PDPK1: variants seen among roughly 807,000 people sequenced by gnomAD.
PDPK1 encodes the protein 3-phosphoinositide dependent protein kinase 1.
PDPK1 carries 7 observed loss-of-function variants against 39.8 expected under a neutral mutation model. That is an observed-to-expected ratio of 0.18 (90% CI 0.10 to 0.33). The LOEUF (loss-of-function observed/expected upper bound fraction) is 0.33, where lower values mean the gene tolerates loss of function less well. PDPK1 is among the 10% of genes least tolerant of loss of function. The pLI, the probability that PDPK1 is intolerant of heterozygous loss-of-function variation, is 1.00. For synonymous variants in PDPK1, 118 were observed against 159.1 expected (o/e 0.74, Z 1.95); for missense variants, 182 against 384.7 (o/e 0.47, Z 4.41).
Position 2,597,630 on chromosome 16 carries a change from A to C in PDPK1, c.1555-21A>C. The stretch of plus-strand genomic sequence containing the variant: ...TTGGTGGGACTCCCTGGAGAACACT[A>C]AACGGCTTCTGTCTTCGCAGCCTAA... On this transcript the variant is annotated intron_variant, in intron 13 of 13. Transcript: ENST00000342085. The surrounding 1 kb of genome is among the most constrained non-coding windows in gnomAD (Gnocchi z 6.3). The C allele has an allele frequency of 6.4e-7, 1 of 1,564,204 alleles. No homozygotes were observed. The highest frequency in any genetic ancestry group is 8.8e-7 in the Non-Finnish European group (1 of 1,134,658).
chr16:2,586,357 G>C (rs1211683578), intron 10 of PDPK1, among the ~76,000 whole-genome samples: 2 of 152,192 alleles, frequency 1.3e-5, no homozygotes, highest in African/African-American at 2.4e-5. Flanking sequence ...CCCCACCTCC[G>C]GGGGGCAGCA....
chr16:2,539,136 G>A (rs1046173903), intron 1 of PDPK1: 4 of 194,644 alleles, frequency 2.1e-5, no homozygotes, highest in African/African-American at 5.1e-5. Flanking sequence ...CTGGAGTGCA[G>A]TGATGCGATC....
chr16:2,592,577 A>G (rs1031210660), intron 11 of PDPK1: 4 of 354,734 alleles, frequency 1.1e-5, no homozygotes, highest in Non-Finnish European at 2.2e-5. Context: ...CAGGAGGCTG[A>G]GACAGGAGAA....
intron 2 of PDPK1, among the ~76,000 whole-genome samples, chr16:2,558,433 G>A (rs972576578): frequency 1.3e-5 from 2 of 150,338 alleles, no homozygotes; most frequent in South Asian, 2.1e-4. Context: ...AAAACAGTAC[G>A]CTCTGGACAT....
intron 11 of PDPK1, among the ~76,000 whole-genome samples, chr16:2,589,291 C>T (rs1237837919): frequency 6.6e-6 from 1 of 152,152 alleles, no homozygotes; most frequent in Non-Finnish European, 1.5e-5. Flanking sequence ...TTCAATATTT[C>T]TACTGAGCTC....
intron 7 of PDPK1, among the ~76,000 whole-genome samples, chr16:2,580,240 A>G (rs1454034982): frequency 1.4e-5 from 2 of 143,252 alleles, no homozygotes; most frequent in Non-Finnish European, 3.0e-5. Context: ...ATTGTGGTTC[A>G]TGGGCCTGTT....
At chr16:2,544,459 GA>G (rs1425236484) in intron 1 of PDPK1, among the ~76,000 whole-genome samples, 1 of 152,132 alleles carries the variant, frequency 6.6e-6, no homozygotes, top group Non-Finnish European at 1.5e-5. Context: ...TTTTTGTTCT[GA>G]AAAATTTCAA....
rs2067137100 is a variant in PDPK1, at chr16:2,597,936, C to T, written c.*169C>T. 1.2e-5 allele frequency: 7 copies of T among 592,176 alleles called. No homozygotes were observed. The highest frequency in any genetic ancestry group is 1.8e-5 in the Non-Finnish European group (6 of 333,458). 36.7% of individuals were successfully genotyped at this position (592,176 alleles called of 1,614,324 possible). On this transcript the variant is annotated 3_prime_UTR_variant, in exon 14 of 14. Coordinates refer to ENST00000342085, the MANE Select transcript of PDPK1 (RefSeq NM_002613.5). This position sits in a 1 kb window ranked among gnomAD's most constrained non-coding sequence, Gnocchi z 6.3. ...AGAAAAGAAGAAAAAAAACACCCAA[C>T]CACACAAAGAACAAAACCAGTAACA...
rs576780139 is a variant in PDPK1, at chr16:2,538,262, G to A, written c.24+126G>A. The A allele has an allele frequency of 3.3e-4, 124 of 376,564 alleles. No individual in the cohort carries two copies. In the Middle Eastern group the frequency reaches 3.8e-3, roughly 11 times the overall value. 23.3% of individuals were successfully genotyped at this position (376,564 alleles called of 1,614,324 possible). A position where few individuals can be genotyped will look rare whatever the true frequency, so the allele number is the denominator to read the frequency against. ...CCGGGTGCCTCCTTACCTGCAGCCG[G>A]GCGGCCGGGCCGGGGATGGCGGGCG... On this transcript the variant is annotated intron_variant, in intron 1 of 13. Coordinates refer to ENST00000342085, the MANE Select transcript of PDPK1 (RefSeq NM_002613.5).
At chr16:2,540,234 G>C (rs186149551) in intron 1 of PDPK1, among the ~76,000 whole-genome samples, 7 of 147,246 alleles carry the variant, frequency 4.8e-5, no homozygotes, top group Admixed American at 2.0e-4. Flanking sequence ...TTGTGTGTCC[G>C]CGTGGACAGC....
chr16:2,601,584 T>TATA lies in PDPK1; in HGVS notation c.*3818_*3820dup. The TATA allele has an allele frequency of 4.3e-6, 1 of 234,350 alleles. No homozygotes were observed. The highest frequency in any genetic ancestry group is 8.5e-6 in the Non-Finnish European group (1 of 117,780). The allele number at this position is 234,350 out of a possible 1,614,324, so 14.5% of individuals were successfully genotyped here. A position where few individuals can be genotyped will look rare whatever the true frequency, so the allele number is the denominator to read the frequency against. ...TTAGTGAGTGATTTGTAATTAAGTTTATAGACTCAGAAGGTATATTAGGAC... is the reference window on the plus strand; with the variant it reads ...TTAGTGAGTGATTTGTAATTAAGTTTATAATAGACTCAGAAGGTATATTAGGAC... On this transcript the variant is annotated 3_prime_UTR_variant, in exon 14 of 14. Transcript: ENST00000342085.
At chr16:2,585,736 T>C (rs959677585) in intron 10 of PDPK1, among the ~76,000 whole-genome samples, 1 of 152,188 alleles carries the variant, frequency 6.6e-6, no homozygotes, top group African/African-American at 2.4e-5. Flanking sequence ...CCAGCCCAGC[T>C]GGGTGCGAGG....
rs749712375 is a variant in PDPK1 at position 2,586,869 on chromosome 16, A to T, written c.1319A>T (p.Glu440Val). The part of the protein sequence containing the change: ...FSEDEKRLLL[E>V]KQAGGNPWHQ... ...GAAGATGAGAAGAGGTTGTTGTTGGAGAAGCAGGCTGGCGGAAACCCTTGG... is the reference window on the plus strand; with the variant it reads ...GAAGATGAGAAGAGGTTGTTGTTGGTGAAGCAGGCTGGCGGAAACCCTTGG... Residue 440 changes from glutamate (E) to valine (V), a missense_variant, in exon 11 of 14, where the codon GAG (glutamate) becomes GTG (valine). Around this residue, in one of 5 missense-constraint regions of PDPK1, gnomAD observed 90 missense variants for 111.9 expected, o/e 0.80. Coordinates refer to ENST00000342085, the MANE Select transcript of PDPK1 (RefSeq NM_002613.5). 2.8e-5 allele frequency: 45 copies of T among 1,614,122 alleles called. No homozygotes were observed. The highest frequency in any genetic ancestry group is 6.7e-5 in the Admixed American group (4 of 60,008).
chr16:2,579,793 AG>A (rs1424343792), intron 7 of PDPK1: 1 of 148,866 alleles, frequency 6.7e-6, no homozygotes. Flanking sequence ...CTCTACTAAA[AG>A]TAACAAAAAT....
intron 11 of PDPK1, 38 bp downstream of exon 11, chr16:2,586,931 A>G (rs1263120954): frequency 1.9e-6 from 3 of 1,579,894 alleles, no homozygotes; most frequent in Non-Finnish European, 8.7e-7. Flanking sequence ...TTTTTGCAGA[A>G]TTGCAGCGTG....
In PDPK1 at chr16:2,599,611, G is replaced by A. The variant is rs1313894549; in HGVS notation, c.*1844G>A. On this transcript the variant is annotated 3_prime_UTR_variant, in exon 14 of 14. Coordinates refer to ENST00000342085, the MANE Select transcript of PDPK1 (RefSeq NM_002613.5). The stretch of plus-strand genomic sequence containing the variant: ...AGCACGTTGCCCTGGGCCTGTGGCC[G>A]GAGTCGGAGTCCTCTCTCCTCCTCC... 8 of 232,900 alleles carry A rather than the reference G, an allele frequency of 3.4e-5. No individual in the cohort carries two copies. Among genetic ancestry groups the A allele is most frequent in the East Asian group, 1.8e-4 (3 of 16,540 alleles). The allele number at this position is 232,900 out of a possible 1,614,324, so 14.4% of individuals were successfully genotyped here.
chr16:2,578,202 C>T (rs1042113719), intron 7 of PDPK1, among the ~76,000 whole-genome samples: 15 of 145,482 alleles, frequency 1.0e-4, no homozygotes, highest in Non-Finnish European at 1.6e-4. Flanking sequence ...TCCCGCAGAG[C>T]GCAGGGAGGC....
In PDPK1 at chr16:2,597,692, A is replaced by T; in HGVS notation, c.1596A>T (p.Ala532=). ...ATCTGATGGACCCCAGCGGGAACGCACACAAGTGGTGCAGGAAGATCCAGG... is the reference window on the plus strand; with the variant it reads ...ATCTGATGGACCCCAGCGGGAACGCTCACAAGTGGTGCAGGAAGATCCAGG... The part of the protein sequence containing the change: ...TYYLMDPSGN[A]HKWCRKIQEV... Residue 532 remains alanine (A), a synonymous_variant, in exon 14 of 14, where the codon GCA becomes GCT. Coordinates refer to ENST00000342085, the MANE Select transcript of PDPK1 (RefSeq NM_002613.5). The surrounding 1 kb of genome is among the most constrained non-coding windows in gnomAD (Gnocchi z 6.3). 1 of 1,613,980 alleles carries T rather than the reference A, an allele frequency of 6.2e-7. No homozygotes were observed. Among genetic ancestry groups the T allele is most frequent in the Non-Finnish European group, 8.5e-7 (1 of 1,180,018 alleles).
In PDPK1 at chr16:2,597,983, G is replaced by A. The variant is rs1045351459; in HGVS notation, c.*216G>A. 4 of 568,030 alleles carry A rather than the reference G, an allele frequency of 7.0e-6. No individual in the cohort carries two copies. Among genetic ancestry groups the A allele is most frequent in the African/African-American group, 1.9e-5 (1 of 53,448 alleles). 35.2% of individuals were successfully genotyped at this position (568,030 alleles called of 1,614,324 possible). A position where few individuals can be genotyped will look rare whatever the true frequency, so the allele number is the denominator to read the frequency against. ...AACAAACACAAAGGAATTCAGGGTC[G>A]CTTTGCTTGCTCTCTGTGCTCCGTG... On this transcript the variant is annotated 3_prime_UTR_variant, in exon 14 of 14. Coordinates refer to ENST00000342085, the MANE Select transcript of PDPK1 (RefSeq NM_002613.5). This position sits in a 1 kb window ranked among gnomAD's most constrained non-coding sequence, Gnocchi z 6.3.
Sources: allele counts gnomAD v4.1 joint callset (sites outside exome capture counted in the v4.1 genomes callset), GRCh38; gene constraint gnomAD v4.1.1; regional missense constraint gnomAD v4.1.1; non-coding constraint Gnocchi (gnomAD v3.1); transcripts MANE v1.5; gene names NCBI Gene and HGNC (gene_info 2026-07-23, HGNC 2026-07-21).